FEZ2: variants seen among roughly 807,000 people sequenced by gnomAD.
The protein encoded by FEZ2 is fasciculation and elongation protein zeta-2.
FEZ2 carries 51 observed loss-of-function variants against 40.4 expected under a neutral mutation model. The observed-to-expected ratio is 1.26, with a 90% CI of 1.01 to 1.59. FEZ2 has a LOEUF of 1.59. Ranked by LOEUF, FEZ2 falls within the 40% of genes most tolerant of loss-of-function variation. The pLI is 0.00. For missense variants in FEZ2, 640 were observed against 438.3 expected (o/e 1.46, Z -4.11); for synonymous variants, 242 against 172.0 (o/e 1.41, Z -3.18).
chr2:36,552,653 A>G lies in FEZ2; in HGVS notation c.*510T>C, dbSNP rs1239263064. 2 of 200,636 alleles carry G rather than the reference A, an allele frequency of 1.0e-5. No homozygotes were observed. Among genetic ancestry groups the G allele is most frequent in the Non-Finnish European group, 2.0e-5 (2 of 97,674 alleles). 12.4% of individuals were successfully genotyped at this position (200,636 alleles called of 1,614,324 possible). On this transcript the variant is annotated 3_prime_UTR_variant, in exon 8 of 8. Coordinates refer to ENST00000405912, the MANE Select transcript of FEZ2 (RefSeq NM_005102.3). ...TAAGTATTAAACCAAAGTAATGCAT[A>G]TTCTGGTTTTGCTTCTTCAAGAACA...
intron 5 of FEZ2, among the ~76,000 whole-genome samples, chr2:36,576,409 A>G (rs2125232538): frequency 1.3e-5 from 2 of 152,220 alleles, no homozygotes; most frequent in African/African-American, 4.8e-5. Context: ...AGCTGGGATT[A>G]CAGGCATGCG....
chr2:36,595,120 G>A lies in FEZ2; in HGVS notation c.266+2757C>T, dbSNP rs149794294. Among the ~76,000 whole-genome samples the A allele has an allele frequency of 3.4e-3, 525 of 152,232 alleles. 4 individuals are homozygous for A. Among genetic ancestry groups the A allele is most frequent in the African/African-American group, 0.012 (502 of 41,514 alleles). ...ACTCTTATAAGTAAAACCTCAGTAC[G>A]TAAATACAATCCATATTTAACCAAA... On this transcript the variant is annotated intron_variant, in intron 1 of 7. Coordinates refer to ENST00000405912, the MANE Select transcript of FEZ2 (RefSeq NM_005102.3).
chr2:36,589,206 CAT>C (rs1287636759), intron 2 of FEZ2, among the ~76,000 whole-genome samples: 2 of 152,106 alleles, frequency 1.3e-5, no homozygotes, highest in African/African-American at 4.8e-5. Context: ...GACCCAGAAA[CAT>C]ATGATTAACA....
At chr2:36,560,611 A>G (rs1668069343) in intron 5 of FEZ2, among the ~76,000 whole-genome samples, 1 of 152,234 alleles carries the variant, frequency 6.6e-6, no homozygotes, top group South Asian at 2.1e-4. Flanking sequence ...TTTTCCTCAA[A>G]GGGAAATTCT....
At chr2:36,585,070 T>C (rs1490929866) in intron 2 of FEZ2, among the ~76,000 whole-genome samples, 1 of 151,480 alleles carries the variant, frequency 6.6e-6, no homozygotes, top group Non-Finnish European at 1.5e-5. Context: ...GAACACTGTG[T>C]GGAAAAAAGG....
chr2:36,560,530 A>G (rs1420216293), intron 5 of FEZ2, among the ~76,000 whole-genome samples: 1 of 152,248 alleles, frequency 6.6e-6, no homozygotes, highest in African/African-American at 2.4e-5. Context: ...TTTAAAACTA[A>G]GAGTGAAAAA....
At chr2:36,573,458 T>TC (rs1668475059) in intron 5 of FEZ2, among the ~76,000 whole-genome samples, 2 of 152,214 alleles carry the variant, frequency 1.3e-5, no homozygotes, top group African/African-American at 4.8e-5. Flanking sequence ...GAAGCCTGGC[T>TC]CCCCCAATAA....
At chr2:36,593,038 G>T (rs1669114559) in intron 1 of FEZ2, among the ~76,000 whole-genome samples, 8 of 152,144 alleles carry the variant, frequency 5.3e-5, no homozygotes, top group Admixed American at 5.2e-4. Context: ...TACTAAACTT[G>T]CTGGGTTTCT....
At chr2:36,576,898 A>C (rs1305278466) in intron 5 of FEZ2, among the ~76,000 whole-genome samples, 2 of 152,252 alleles carry the variant, frequency 1.3e-5, no homozygotes, top group African/African-American at 4.8e-5. Flanking sequence ...TACTTTTCTC[A>C]GCCAAGTGTT....
chr2:36,582,797 G>C lies in FEZ2; in HGVS notation c.492+556C>G, dbSNP rs140033551. ...ATGGAACATTTTATTTCAGGAAGAA[G>C]TTCTGGCATCACATTTCAACAATAC... On this transcript the variant is annotated intron_variant, in intron 3 of 7. Coordinates refer to ENST00000405912, the MANE Select transcript of FEZ2 (RefSeq NM_005102.3). 6.0e-4 allele frequency among the ~76,000 whole-genome samples: 91 copies of C among 152,276 alleles called. 1 individual carries two copies. In the East Asian group the frequency reaches 0.017, roughly 28 times the overall value.
chr2:36,574,229 G>A lies in FEZ2; in HGVS notation c.903+4368C>T, dbSNP rs1254890353. 3.3e-5 allele frequency among the ~76,000 whole-genome samples: 5 copies of A among 152,198 alleles called. No individual in the cohort carries two copies. The South Asian group carries it at 8.3e-4, about 25-fold the overall frequency. The stretch of plus-strand genomic sequence containing the variant: ...ATTCAAAGCCGTCTGTATGTAGGAC[G>A]AAGATTCAAACACAGCTCTTAACCC... On this transcript the variant is annotated intron_variant, in intron 5 of 7. Transcript: ENST00000405912.
At chr2:36,597,793 G>T in intron 1 of FEZ2, 84 bp downstream of exon 1, 1 of 1,022,972 alleles carries the variant, frequency 9.8e-7, no homozygotes, top group Non-Finnish European at 1.2e-6. Context: ...GAGGGCGCAG[G>T]GAGGAGCTGC....
At chr2:36,584,614 T>C (rs1668849652) in intron 2 of FEZ2, among the ~76,000 whole-genome samples, 1 of 152,180 alleles carries the variant, frequency 6.6e-6, no homozygotes, top group Admixed American at 6.5e-5. Context: ...TTCCAAAGAA[T>C]AAATGGGCAA....
At chr2:36,575,329 T>A (rs539325986) in intron 5 of FEZ2, among the ~76,000 whole-genome samples, 1 of 151,704 alleles carries the variant, frequency 6.6e-6, no homozygotes, top group Non-Finnish European at 1.5e-5. Context: ...GGACTACAGG[T>A]GCATGCCACC....
At chr2:36,584,339 A>T (rs527924668) in intron 2 of FEZ2, among the ~76,000 whole-genome samples, 2 of 152,330 alleles carry the variant, frequency 1.3e-5, no homozygotes, top group African/African-American at 4.8e-5. Context: ...AGGACTGCTA[A>T]AGTACCAGTT....
At chr2:36,555,999 A>G in intron 6 of FEZ2, 1 of 610,856 alleles carries the variant, frequency 1.6e-6, no homozygotes, top group South Asian at 1.5e-5. Context: ...TCCCTGATTT[A>G]AAATTTCCAA....
intron 5 of FEZ2, among the ~76,000 whole-genome samples, chr2:36,562,202 C>CTT (rs1364358548): frequency 6.6e-6 from 1 of 152,060 alleles, no homozygotes; most frequent in Non-Finnish European, 1.5e-5. Flanking sequence ...TATTATTTTT[C>CTT]ATAAATATAT....
intron 5 of FEZ2, among the ~76,000 whole-genome samples, chr2:36,566,145 C>G (rs1668232113): frequency 6.6e-6 from 1 of 152,122 alleles, no homozygotes; most frequent in African/African-American, 2.4e-5. Flanking sequence ...TGGAGACCAT[C>G]CTGGCTAACA....
At chr2:36,563,044 CA>C (rs1298813175) in intron 5 of FEZ2, among the ~76,000 whole-genome samples, 1 of 152,184 alleles carries the variant, frequency 6.6e-6, no homozygotes, top group African/African-American at 2.4e-5. Context: ...TTTGTTTTCG[CA>C]ATCAGAAAGC....
Sources: allele counts gnomAD v4.1 joint callset (sites outside exome capture counted in the v4.1 genomes callset), GRCh38; gene constraint gnomAD v4.1.1; transcripts MANE v1.5; gene names NCBI Gene and HGNC (gene_info 2026-07-23, HGNC 2026-07-21).